PIP4K2A: variants seen among roughly 807,000 people sequenced by gnomAD.
PIP4K2A encodes phosphatidylinositol 5-phosphate 4-kinase type-2 alpha.
In PIP4K2A, 14 loss-of-function variants were observed where a neutral mutation model predicts 42.9. That is an observed-to-expected ratio of 0.33 (90% CI 0.22 to 0.51). The LOEUF is 0.51. Ranked by LOEUF, PIP4K2A falls within the 20% of genes least tolerant of loss-of-function variation. The probability of loss-of-function intolerance (pLI) is 0.97; values close to 1 mark genes in which losing one functional copy is unlikely to be tolerated. For synonymous variants in PIP4K2A, 192 were observed against 192.2 expected (o/e 1.00, Z 0.01); for missense variants, 434 against 519.8 (o/e 0.83, Z 1.61).
chr10:22,568,260 T>C (rs1164916683), intron 5 of PIP4K2A, among the ~76,000 whole-genome samples: 1 of 152,240 alleles, frequency 6.6e-6, no homozygotes, highest in African/African-American at 2.4e-5. Flanking sequence ...CCAGAAATAG[T>C]CAGTCCTGTT....
chr10:22,591,259 G>A (rs996027548), intron 4 of PIP4K2A, among the ~76,000 whole-genome samples: 6 of 152,236 alleles, frequency 3.9e-5, no homozygotes, highest in Non-Finnish European at 1.5e-5. Context: ...AGGATTCGGA[G>A]GTGTAAATAG....
chr10:22,664,158 T>TATATATATACATATATATATATAC (rs1472175664), intron 1 of PIP4K2A, among the ~76,000 whole-genome samples: 1 of 68,056 alleles, frequency 1.5e-5, no homozygotes, highest in Non-Finnish European at 2.5e-5. Context: ...TATACACATA[T>TATATATATACATATATATATATAC]ATATATATAC....
chr10:22,659,514 C>A (rs1006225483), intron 1 of PIP4K2A: 4 of 152,256 alleles, frequency 2.6e-5, no homozygotes, highest in African/African-American at 7.2e-5. Context: ...TATATTATTT[C>A]ATTAAATGTG....
rs1160763811 is a variant in PIP4K2A at position 22,652,057 on chromosome 10, TAC to T, written c.145-42342_145-42341del. Reference sequence around the variant, plus strand: ...TTATTTAACTGAGCCCTGTAACTGATACAGTGCTTAATTTGTGTTGAATAACC... The same window carrying T: ...TTATTTAACTGAGCCCTGTAACTGATAGTGCTTAATTTGTGTTGAATAACC... On this transcript the variant is annotated intron_variant, in intron 1 of 9. Transcript: ENST00000376573. 1.2e-4 allele frequency among the ~76,000 whole-genome samples: 19 copies of T among 152,292 alleles called. No homozygotes were observed. In the East Asian group the frequency reaches 3.7e-3, roughly 29 times the overall value.
At chr10:22,594,675 C>T (rs1837592434) in intron 3 of PIP4K2A, among the ~76,000 whole-genome samples, 1 of 152,106 alleles carries the variant, frequency 6.6e-6, no homozygotes, top group South Asian at 2.1e-4. Flanking sequence ...GCTGGGATTA[C>T]AGGCATGAGC....
chr10:22,542,168 G>C, intron 7 of PIP4K2A, 121 bp from the exon 8 acceptor site: 2 of 769,758 alleles, frequency 2.6e-6, no homozygotes, highest in Non-Finnish European at 4.2e-6. Flanking sequence ...CAGAGGCGCC[G>C]GGTGCCTCCT....
intron 1 of PIP4K2A, among the ~76,000 whole-genome samples, chr10:22,678,843 G>C (rs1214599303): frequency 6.6e-6 from 1 of 152,186 alleles, no homozygotes; most frequent in Non-Finnish European, 1.5e-5. Flanking sequence ...AATAGGAAAT[G>C]GTTGAATACA....
intron 1 of PIP4K2A, among the ~76,000 whole-genome samples, chr10:22,665,858 A>G (rs1281919982): frequency 6.6e-6 from 1 of 151,932 alleles, no homozygotes; most frequent in Non-Finnish European, 1.5e-5. Flanking sequence ...ACATATATAT[A>G]CATATATATA....
chr10:22,706,854 A>G (rs1282674045), intron 1 of PIP4K2A, among the ~76,000 whole-genome samples: 1 of 152,238 alleles, frequency 6.6e-6, no homozygotes, highest in African/African-American at 2.4e-5. Flanking sequence ...GTAATTCTAA[A>G]ATGATAATTC....
chr10:22,585,434 ATTCAGTCAC>A (rs1837370754), intron 4 of PIP4K2A, among the ~76,000 whole-genome samples: 1 of 152,324 alleles, frequency 6.6e-6, no homozygotes, highest in East Asian at 1.9e-4. Flanking sequence ...CCATTTATCG[ATTCAGTCAC>A]TTTGAAATAA....
At chr10:22,679,830 C>G (rs1477027124) in intron 1 of PIP4K2A, among the ~76,000 whole-genome samples, 2 of 152,036 alleles carry the variant, frequency 1.3e-5, no homozygotes, top group Admixed American at 1.3e-4. Context: ...TACAAATCTA[C>G]AGAGACAGGA....
intron 4 of PIP4K2A, among the ~76,000 whole-genome samples, chr10:22,590,899 C>CTTA (rs1175198668): frequency 1.3e-5 from 2 of 152,166 alleles, no homozygotes; most frequent in African/African-American, 2.4e-5. Flanking sequence ...AAGTCACATG[C>CTTA]TTAGTAAGCG....
intron 1 of PIP4K2A, among the ~76,000 whole-genome samples, chr10:22,661,024 CAG>C (rs1260143537): frequency 6.6e-6 from 1 of 152,162 alleles, no homozygotes; most frequent in African/African-American, 2.4e-5. Flanking sequence ...TGTCTGGGGA[CAG>C]GGAGTTATAC....
intron 1 of PIP4K2A, among the ~76,000 whole-genome samples, chr10:22,640,695 C>T (rs1838764373): frequency 1.3e-5 from 2 of 152,196 alleles, no homozygotes; most frequent in South Asian, 4.1e-4. Flanking sequence ...TATTTACCTT[C>T]TCCTCCGCCT....
At chr10:22,557,806 T>C (rs4748813) in intron 6 of PIP4K2A, among the ~76,000 whole-genome samples, 86,864 of 151,910 alleles carry the variant, frequency 0.57, 25,789 homozygotes, top group South Asian at 0.78. Flanking sequence ...TAACTGGAAA[T>C]AGAAAATACA....
chr10:22,627,048 C>T (rs940460476), intron 1 of PIP4K2A, among the ~76,000 whole-genome samples: 3 of 152,096 alleles, frequency 2.0e-5, no homozygotes, highest in Non-Finnish European at 2.9e-5. Context: ...TCTCTCTTCT[C>T]CCCATCTCCT....
chr10:22,691,824 TAATC>T (rs906557915), intron 1 of PIP4K2A: 5 of 152,204 alleles, frequency 3.3e-5, no homozygotes, highest in Admixed American at 1.3e-4. Flanking sequence ...TTCTCATAGT[TAATC>T]AATAGGAAGA....
chr10:22,686,484 T>G (rs1195091813), intron 1 of PIP4K2A, among the ~76,000 whole-genome samples: 1 of 152,212 alleles, frequency 6.6e-6, no homozygotes, highest in East Asian at 1.9e-4. Flanking sequence ...GGATTTTTAT[T>G]TTTTAATTAA....
intron 1 of PIP4K2A, among the ~76,000 whole-genome samples, chr10:22,696,386 T>C (rs1307668891): frequency 6.6e-6 from 1 of 152,190 alleles, no homozygotes; most frequent in African/African-American, 2.4e-5. Flanking sequence ...ATCAGAATAG[T>C]CTTTTCTTCT....
Sources: allele counts gnomAD v4.1 joint callset (sites outside exome capture counted in the v4.1 genomes callset), GRCh38; gene constraint gnomAD v4.1.1; transcripts MANE v1.5; gene names NCBI Gene and HGNC (gene_info 2026-07-23, HGNC 2026-07-21).